THSD7B: variants seen among roughly 807,000 people sequenced by gnomAD.
THSD7B encodes the protein thrombospondin type 1 domain containing 7B.
A neutral mutation model predicts 213.6 loss-of-function variants in THSD7B; 138 were observed. The ratio of observed to expected loss-of-function variants is 0.65; its 90% CI spans 0.56 to 0.74. The LOEUF (loss-of-function observed/expected upper bound fraction) is 0.74. THSD7B is among the 30% of genes least tolerant of loss of function. The probability of loss-of-function intolerance (pLI) is 0.00; values close to 1 mark genes in which losing one functional copy is unlikely to be tolerated. For missense variants in THSD7B, 1,931 were observed against 1,991.5 expected (o/e 0.97, Z 0.58); for synonymous variants, 742 against 687.0 (o/e 1.08, Z -1.25).
intron 1 of THSD7B, among the ~76,000 whole-genome samples, chr2:136,774,486 A>G (rs1040092623): frequency 3.9e-5 from 6 of 152,096 alleles, no homozygotes; most frequent in African/African-American, 1.4e-4. Flanking sequence ...ACAGAATGTG[A>G]CATTCCTTTC....
chr2:137,389,804 A>C (rs1412766504), intron 12 of THSD7B, among the ~76,000 whole-genome samples: 1 of 152,138 alleles, frequency 6.6e-6, no homozygotes, highest in Non-Finnish European at 1.5e-5. Context: ...TCAGTTGTCC[A>C]GCACAATTTA....
chr2:136,830,768 A>G (rs1196537626), intron 1 of THSD7B, among the ~76,000 whole-genome samples: 2 of 152,146 alleles, frequency 1.3e-5, no homozygotes, highest in East Asian at 3.8e-4. Flanking sequence ...CATTAAATTC[A>G]GTTCCATATA....
chr2:137,209,200 G>A (rs1274939152), intron 7 of THSD7B, among the ~76,000 whole-genome samples: 2 of 152,014 alleles, frequency 1.3e-5, no homozygotes, highest in Non-Finnish European at 2.9e-5. Context: ...CTTTGCAAAG[G>A]TGGTTTCAAT....
intron 2 of THSD7B, among the ~76,000 whole-genome samples, chr2:137,012,041 A>G (rs1686239571): frequency 6.6e-6 from 1 of 152,206 alleles, no homozygotes; most frequent in Non-Finnish European, 1.5e-5. Context: ...CAGCAATCCT[A>G]TTCACAAAAA....
intron 2 of THSD7B, among the ~76,000 whole-genome samples, chr2:136,985,342 G>A (rs571666743): frequency 6.6e-6 from 1 of 152,250 alleles, no homozygotes; most frequent in African/African-American, 2.4e-5. Flanking sequence ...TCAGGATCCA[G>A]GCCCAGGGCT....
intron 20 of THSD7B, among the ~76,000 whole-genome samples, chr2:137,624,540 T>TTG (rs1483486435): frequency 6.6e-6 from 1 of 152,120 alleles, no homozygotes; most frequent in African/African-American, 2.4e-5. Flanking sequence ...ACAGGCAACC[T>TTG]ACAGAATGGG....
chr2:137,122,171 G>A (rs944094483), intron 5 of THSD7B, among the ~76,000 whole-genome samples: 5 of 152,098 alleles, frequency 3.3e-5, no homozygotes, highest in African/African-American at 9.7e-5. Flanking sequence ...ATATCCCTCT[G>A]TTGTTTTAAA....
At chr2:136,921,530 T>C (rs999043350) in intron 2 of THSD7B, among the ~76,000 whole-genome samples, 17 of 152,078 alleles carry the variant, frequency 1.1e-4, no homozygotes, top group Non-Finnish European at 2.1e-4. Context: ...AGGTGGAAGA[T>C]GCAGTTTGAT....
chr2:137,391,729 C>G (rs1444065898), intron 12 of THSD7B, among the ~76,000 whole-genome samples: 1 of 149,480 alleles, frequency 6.7e-6, no homozygotes, highest in Non-Finnish European at 1.5e-5. Context: ...TACTCTTTTG[C>G]ATGCTACTTT....
chr2:137,658,816 C>A (rs1683287734), intron 24 of THSD7B, among the ~76,000 whole-genome samples: 1 of 152,190 alleles, frequency 6.6e-6, no homozygotes, highest in South Asian at 2.1e-4. Flanking sequence ...AGGCCCAGAG[C>A]TTTTTGCTAG....
chr2:136,838,724 C>T (rs1682877905), intron 1 of THSD7B, among the ~76,000 whole-genome samples: 1 of 152,152 alleles, frequency 6.6e-6, no homozygotes. Context: ...TGGGGGTGGC[C>T]ATTTTGATCT....
At chr2:137,206,688 G>C (rs1680991736) in intron 7 of THSD7B, among the ~76,000 whole-genome samples, 2 of 152,028 alleles carry the variant, frequency 1.3e-5, no homozygotes, top group Non-Finnish European at 2.9e-5. Context: ...AAGCATTAGG[G>C]ACAGGTAGAA....
At chr2:137,247,792 A>T (rs1682073690) in intron 10 of THSD7B, among the ~76,000 whole-genome samples, 1 of 151,992 alleles carries the variant, frequency 6.6e-6, no homozygotes, top group African/African-American at 2.4e-5. Flanking sequence ...ATTTTTTTTT[A>T]AACACCTAGG....
At chr2:136,814,683 T>C (rs1682442178) in intron 1 of THSD7B, among the ~76,000 whole-genome samples, 1 of 152,154 alleles carries the variant, frequency 6.6e-6, no homozygotes. Context: ...CAGACGTGGT[T>C]TTATTGCCTT....
chr2:137,469,507 C>T (rs1470534306), intron 15 of THSD7B, among the ~76,000 whole-genome samples: 1 of 151,946 alleles, frequency 6.6e-6, no homozygotes, highest in African/African-American at 2.4e-5. Flanking sequence ...ACAAAATTCC[C>T]ATAATTCTGT....
intron 1 of THSD7B, among the ~76,000 whole-genome samples, chr2:136,837,669 G>A (rs997558980): frequency 1.3e-5 from 2 of 152,162 alleles, no homozygotes; most frequent in African/African-American, 4.8e-5. Context: ...CATTGTGTGT[G>A]TTATTCATCA....
Position 137,078,466 on chromosome 2 carries a change from A to G in THSD7B, c.951-16407A>G, listed in dbSNP as rs907556109. 4.6e-5 allele frequency among the ~76,000 whole-genome samples: 7 copies of G among 152,282 alleles called. No homozygotes were observed. The East Asian group carries it at 1.3e-3, about 29-fold the overall frequency. On this transcript the variant is annotated intron_variant, in intron 3 of 27. Coordinates refer to ENST00000409968, the MANE Select transcript of THSD7B (RefSeq NM_001316349.2). Reference sequence around the variant, plus strand: ...TCCTTTATTAAGAGTTCTAACCCACACCATTTTTTCTTTTTATATCTATGT... The same window carrying G: ...TCCTTTATTAAGAGTTCTAACCCACGCCATTTTTTCTTTTTATATCTATGT...
intron 2 of THSD7B, among the ~76,000 whole-genome samples, chr2:136,886,959 T>G (rs1478047741): frequency 2.0e-5 from 3 of 152,180 alleles, no homozygotes; most frequent in African/African-American, 7.2e-5. Flanking sequence ...AGGTAGGATT[T>G]AAATATGTAG....
At chr2:136,841,593 CA>C (rs534991799) in intron 1 of THSD7B, among the ~76,000 whole-genome samples, 2,318 of 93,082 alleles carry the variant, frequency 0.025, 44 homozygotes, top group East Asian at 0.14. Flanking sequence ...AAGACTCCAT[CA>C]AAAAAAAAAA....
Sources: allele counts gnomAD v4.1 joint callset (sites outside exome capture counted in the v4.1 genomes callset), GRCh38; gene constraint gnomAD v4.1.1; transcripts MANE v1.5; gene names NCBI Gene and HGNC (gene_info 2026-07-23, HGNC 2026-07-21).